MTHFD1L: variants seen among roughly 807,000 people sequenced by gnomAD.
MTHFD1L encodes monofunctional C1-tetrahydrofolate synthase, mitochondrial.
A neutral mutation model predicts 119.5 loss-of-function variants in MTHFD1L; 81 were observed. The ratio of observed to expected loss-of-function variants is 0.68; its 90% CI spans 0.57 to 0.82. The LOEUF (loss-of-function observed/expected upper bound fraction) is 0.82. Among genes scored for constraint, MTHFD1L ranks in the 40% least tolerant of loss-of-function variants. The probability of loss-of-function intolerance (pLI) is 0.00; values close to 1 mark genes in which losing one functional copy is unlikely to be tolerated. For missense variants in MTHFD1L, 1,125 were observed against 1,253.4 expected (o/e 0.90, Z 1.55); for synonymous variants, 430 against 475.2 (o/e 0.90, Z 1.24).
In MTHFD1L at chr6:150,995,510, G is replaced by A. The variant is rs1413043780; in HGVS notation, c.2126-14309G>A. ...GCCTGGGCAACAAGAGCGAAACTCCGTCTCAAAAAAAAAAAAAAAAATGCT... is the reference window on the plus strand; with the variant it reads ...GCCTGGGCAACAAGAGCGAAACTCCATCTCAAAAAAAAAAAAAAAAATGCT... On this transcript the variant is annotated intron_variant, in intron 20 of 27. Coordinates refer to ENST00000367321, the MANE Select transcript of MTHFD1L (RefSeq NM_015440.5). 5.2e-3 allele frequency among the ~76,000 whole-genome samples: 449 copies of A among 87,088 alleles called. 4 individuals are homozygous for A. Among genetic ancestry groups the A allele is most frequent in the African/African-American group, 0.025 (420 of 16,994 alleles). The allele number at this position is 87,088 out of a possible 152,430, so 57.1% of individuals were successfully genotyped here.
intron 20 of MTHFD1L, 34 bp from the exon 21 acceptor site, chr6:151,009,785 G>A (rs753783472): frequency 3.7e-6 from 6 of 1,610,418 alleles, no homozygotes; most frequent in Non-Finnish European, 5.1e-6. Flanking sequence ...GTTTTTAGAA[G>A]ATAATAGCAC....
chr6:150,994,077 AAAAG>A lies in MTHFD1L; in HGVS notation c.2126-15725_2126-15722del, dbSNP rs770291898. On this transcript the variant is annotated intron_variant, in intron 20 of 27. Coordinates refer to ENST00000367321, the MANE Select transcript of MTHFD1L (RefSeq NM_015440.5). Reference sequence around the variant, plus strand: ...TAACAACAACAGTAAAAAAAAAAAAAAAAGAAAGAAAGAAAGAAAGTGACCCAGC... The same window carrying A: ...TAACAACAACAGTAAAAAAAAAAAAAAAAGAAAGAAAGAAAGTGACCCAGC... Among the ~76,000 whole-genome samples, 120 of 105,180 alleles carry A rather than the reference AAAAG, an allele frequency of 1.1e-3. 2 individuals carry two copies. The highest frequency in any genetic ancestry group is 4.7e-3 in the Middle Eastern group (1 of 212). 69.0% of individuals were successfully genotyped at this position (105,180 alleles called of 152,430 possible).
At chr6:151,079,283 ATTG>A (rs1204897421) in intron 26 of MTHFD1L, among the ~76,000 whole-genome samples, 1 of 152,010 alleles carries the variant, frequency 6.6e-6, no homozygotes, top group African/African-American at 2.4e-5. Flanking sequence ...CTAAGTCCCC[ATTG>A]TTGATATTAG....
intron 7 of MTHFD1L, among the ~76,000 whole-genome samples, chr6:150,895,950 G>A (rs549478339): frequency 2.6e-4 from 39 of 152,118 alleles, no homozygotes; most frequent in Non-Finnish European, 4.3e-4. Flanking sequence ...TCTGAACCAG[G>A]CACTGTCTTG....
chr6:150,970,770 T>TCCATGGA (rs1797898849), intron 19 of MTHFD1L, among the ~76,000 whole-genome samples: 2 of 152,336 alleles, frequency 1.3e-5, no homozygotes, highest in South Asian at 4.1e-4. Context: ...GTACTGTATC[T>TCCATGGA]TATAGCTATA....
intron 7 of MTHFD1L, among the ~76,000 whole-genome samples, chr6:150,888,301 G>A (rs957649602): frequency 6.6e-6 from 1 of 152,154 alleles, no homozygotes. Context: ...ACATGCTAAA[G>A]GAAAATTAAC....
intron 24 of MTHFD1L, among the ~76,000 whole-genome samples, chr6:151,020,611 A>C (rs969736567): frequency 1.3e-5 from 2 of 152,228 alleles, no homozygotes; most frequent in Non-Finnish European, 2.9e-5. Context: ...AATAAGGTGT[A>C]GTAGACTAAT....
chr6:151,048,349 C>T (rs1788437571), intron 26 of MTHFD1L, among the ~76,000 whole-genome samples: 1 of 152,160 alleles, frequency 6.6e-6, no homozygotes, highest in South Asian at 2.1e-4. Context: ...TACCAAGTCG[C>T]CTCACCCACC....
chr6:151,095,199 C>G (rs1794800574), intron 27 of MTHFD1L, among the ~76,000 whole-genome samples: 1 of 152,138 alleles, frequency 6.6e-6, no homozygotes, highest in Admixed American at 6.5e-5. Context: ...ACTAGTTTAA[C>G]AAAGAAACCC....
chr6:151,021,885 T>C lies in MTHFD1L; in HGVS notation c.2586+6192T>C. 4 of 378,888 alleles carry C rather than the reference T, an allele frequency of 1.1e-5. 1 individual carries two copies. In the Middle Eastern group the frequency reaches 1.1e-3, roughly 106 times the overall value. 23.5% of individuals were successfully genotyped at this position (378,888 alleles called of 1,614,324 possible). On this transcript the variant is annotated intron_variant, in intron 24 of 27. Transcript: ENST00000367321. ...GTCAGCTTGACATTCAGTCGGAATA[T>C]TGTTTGTTAAATGAGGAGTTAAGGT...
At chr6:151,051,537 ACTTTAAACAT>A (rs1282472842) in intron 26 of MTHFD1L, among the ~76,000 whole-genome samples, 6 of 152,180 alleles carry the variant, frequency 3.9e-5, no homozygotes, top group Middle Eastern at 3.2e-3. Context: ...GAATAACTGG[ACTTTAAACAT>A]CTTGGCTTTT....
chr6:151,043,057 G>A (rs1787371320), intron 26 of MTHFD1L, among the ~76,000 whole-genome samples: 1 of 152,058 alleles, frequency 6.6e-6, no homozygotes, highest in Non-Finnish European at 1.5e-5. Flanking sequence ...AGCAAAGAAA[G>A]GCCATAAGAG....
At chr6:151,019,801 T>C (rs1359166444) in intron 24 of MTHFD1L, among the ~76,000 whole-genome samples, 1 of 152,238 alleles carries the variant, frequency 6.6e-6, no homozygotes, top group Admixed American at 6.5e-5. Flanking sequence ...TACAGTCTTG[T>C]CTTGTCACCA....
intron 24 of MTHFD1L, among the ~76,000 whole-genome samples, chr6:151,018,817 A>G (rs1476356916): frequency 6.6e-6 from 1 of 152,206 alleles, no homozygotes; most frequent in Non-Finnish European, 1.5e-5. Context: ...TTACGGAAGG[A>G]AGGACACAGG....
At chr6:150,933,917 G>A (rs7769613) in intron 11 of MTHFD1L, among the ~76,000 whole-genome samples, 30,362 of 151,936 alleles carry the variant, frequency 0.2, 3,274 homozygotes, top group African/African-American at 0.25. Context: ...GCACACAGCC[G>A]GGTTCTCTTA....
chr6:150,919,804 C>T (rs1788601696), intron 9 of MTHFD1L, among the ~76,000 whole-genome samples: 1 of 152,304 alleles, frequency 6.6e-6, no homozygotes, highest in South Asian at 2.1e-4. Context: ...CAGGCCCCAC[C>T]TCTAACACTG....
At position 150,903,216 on chromosome 6, in the gene MTHFD1L, T is replaced by C. The variant is rs1403374820; in HGVS notation, c.781-2434T>C. 2.2e-3 allele frequency among the ~76,000 whole-genome samples: 290 copies of C among 132,812 alleles called. 4 individuals are homozygous for C. Among genetic ancestry groups the C allele is most frequent in the African/African-American group, 8.1e-3 (283 of 34,856 alleles). The allele number at this position is 132,812 out of a possible 152,430, so 87.1% of individuals were successfully genotyped here. A position where few individuals can be genotyped will look rare whatever the true frequency, so the allele number is the denominator to read the frequency against. ...ATTGGCTGCAAAATTTTTTTTTTTTTTTTTTTTTTTTTTTTTTTTGAGACA... is the reference window on the plus strand; with the variant it reads ...ATTGGCTGCAAAATTTTTTTTTTTTCTTTTTTTTTTTTTTTTTTTGAGACA... On this transcript the variant is annotated intron_variant, in intron 7 of 27. Coordinates refer to ENST00000367321, the MANE Select transcript of MTHFD1L (RefSeq NM_015440.5).
intron 7 of MTHFD1L, among the ~76,000 whole-genome samples, chr6:150,895,613 GT>G (rs10630027): frequency 0.069 from 9,335 of 134,372 alleles, 258 homozygotes; most frequent in Middle Eastern, 0.11. Context: ...GTTTTTTGTG[GT>G]TTTTTTTTTT....
intron 26 of MTHFD1L, among the ~76,000 whole-genome samples, chr6:151,069,803 G>A (rs1456030890): frequency 3.9e-5 from 6 of 152,026 alleles, no homozygotes; most frequent in Non-Finnish European, 5.9e-5. Flanking sequence ...CCAAGTGCTC[G>A]ATCACCCCAG....
Sources: gnomAD v4.1 joint callset for allele counts (sites outside exome capture counted in the v4.1 genomes callset) on GRCh38, gnomAD v4.1.1 for gene constraint, MANE v1.5 for transcripts, NCBI Gene and HGNC (gene_info 2026-07-23, HGNC 2026-07-21) for gene names.